The following RTTN variants were observed in gnomAD, a reference collection of about 807,000 sequenced individuals.
The protein encoded by RTTN is rotatin.
In RTTN, 182 loss-of-function variants were observed where a neutral mutation model predicts 269.2. The observed-to-expected ratio is 0.68, with a 90% CI of 0.60 to 0.76. The LOEUF is 0.76. Among genes scored for constraint, RTTN ranks in the 30% least tolerant of loss-of-function variants. The pLI is 0.00. For missense variants in RTTN, 2,545 were observed against 2,608.6 expected, an observed-to-expected ratio of 0.98 and a Z score of 0.53; for synonymous variants, 1,006 against 963.5, an observed-to-expected ratio of 1.04 and a Z score of -0.82.
At chr18:70,092,335 G>A in intron 29 of RTTN, 115 bp from the exon 30 acceptor site, 11 of 721,174 alleles carry the variant, frequency 1.5e-5, no homozygotes, top group South Asian at 6.1e-5. Flanking sequence ...TTTTAGACTT[G>A]GTTTTAATCC....
rs368708109 is a variant in RTTN, at chr18:70,127,636, T to C, written c.3249A>G (p.Ala1083=). The part of the protein sequence containing the change: ...QDCLHSIVQA[A]THREVRAAVT... ...CAGCAGCCCTAACTTCCCTGTGGGT[T>C]GCAGCCTGAACAATGGAATGGAGGC... is the stretch of plus-strand genomic sequence containing the variant. The change falls in exon 25 of 49, where the codon GCA becomes GCG. Residue 1083 remains alanine (A), a synonymous_variant. Transcript: ENST00000640769. The C allele has an allele frequency of 4.8e-5, 78 of 1,613,446 alleles. No homozygotes were observed. Among genetic ancestry groups the C allele is most frequent in the Non-Finnish European group, 6.5e-5 (77 of 1,179,756 alleles).
At chr18:70,099,220 A>C (rs1161068614) in intron 28 of RTTN, among the ~76,000 whole-genome samples, 2 of 152,152 alleles carry the variant, frequency 1.3e-5, no homozygotes, top group African/African-American at 4.8e-5. Flanking sequence ...ACAGTGTAAA[A>C]ATGTTCCTAT....
At chr18:70,109,793 A>C in intron 27 of RTTN, 76 bp from the exon 28 acceptor site, 1 of 1,157,720 alleles carries the variant, frequency 8.6e-7, no homozygotes, top group South Asian at 1.3e-5. Flanking sequence ...CTGGCTATAA[A>C]AGGTTACTTA....
At chr18:70,102,387 T>C (rs2059193029) in intron 28 of RTTN, among the ~76,000 whole-genome samples, 1 of 152,120 alleles carries the variant, frequency 6.6e-6, no homozygotes, top group African/African-American at 2.4e-5. Context: ...GGAGAGAGGA[T>C]TGCAACCCCT....
At chr18:70,043,046 G>A (rs1289991904) in intron 40 of RTTN, among the ~76,000 whole-genome samples, 3 of 152,128 alleles carry the variant, frequency 2.0e-5, no homozygotes, top group Non-Finnish European at 2.9e-5. Flanking sequence ...AGAGGTAAAG[G>A]AATTCCCAGA....
chr18:70,150,211 G>T, intron 15 of RTTN, 124 bp from the exon 16 acceptor site: 3 of 661,912 alleles, frequency 4.5e-6, no homozygotes, highest in East Asian at 5.3e-5. Context: ...TCTTTCAAAT[G>T]TTCGTACTTC....
chr18:70,096,094 T>C (rs1050407808), intron 28 of RTTN, among the ~76,000 whole-genome samples: 15 of 152,120 alleles, frequency 9.9e-5, no homozygotes, highest in African/African-American at 1.7e-4. Flanking sequence ...GATTCGGCTA[T>C]TGATACTCAT....
At chr18:70,110,236 T>C (rs1393226958) in intron 27 of RTTN, among the ~76,000 whole-genome samples, 1 of 128,794 alleles carries the variant, frequency 7.8e-6, no homozygotes. Context: ...CATCCCTTTT[T>C]AAAAAAAAAA....
rs1599267693 is a variant in RTTN, at chr18:70,048,284, C to T, written c.5324-96G>A. On this transcript the variant is annotated intron_variant, in intron 39 of 48. Transcript: ENST00000640769. ...ATTTTAAAGTAACTATACTCTGGAT[C>T]ATCTAGATTACCAACTTGTGTGATT... 3 of 1,128,746 alleles carry T rather than the reference C, an allele frequency of 2.7e-6. No individual in the cohort carries two copies. The East Asian group carries it at 7.7e-5, about 29-fold the overall frequency. 69.9% of individuals were successfully genotyped at this position (1,128,746 alleles called of 1,614,324 possible). A position where few individuals can be genotyped will look rare whatever the true frequency, so the allele number is the denominator to read the frequency against.
chr18:70,016,622 T>C (rs1319160059), intron 46 of RTTN, among the ~76,000 whole-genome samples: 1 of 152,182 alleles, frequency 6.6e-6, no homozygotes, highest in Non-Finnish European at 1.5e-5. Context: ...GAAAAAGATC[T>C]TTCCGATTCT....
intron 46 of RTTN, among the ~76,000 whole-genome samples, chr18:70,014,736 CATCT>C (rs1363064722): frequency 1.3e-5 from 2 of 152,014 alleles, no homozygotes; most frequent in Non-Finnish European, 2.9e-5. Context: ...TTGACCCATC[CATCT>C]ATTAAGAGAA....
intron 23 of RTTN, chr18:70,129,169 G>A (rs190441539): frequency 5.9e-5 from 9 of 152,028 alleles, no homozygotes; most frequent in Non-Finnish European, 1.3e-4. Context: ...TTGTTCTACC[G>A]TAAAGACACA....
intron 33 of RTTN, chr18:70,074,870 ATAAC>A (rs1283887153): frequency 6.6e-6 from 1 of 151,946 alleles, no homozygotes; most frequent in Non-Finnish European, 1.5e-5. Flanking sequence ...ACTAAAATAA[ATAAC>A]TTTTTGATAC....
At chr18:70,166,001 A>G in intron 14 of RTTN, 61 bp downstream of exon 14, 1 of 1,546,902 alleles carries the variant, frequency 6.5e-7, no homozygotes, top group South Asian at 1.2e-5. Flanking sequence ...GTTTGAAGGT[A>G]TAACAAGAGA....
chr18:70,039,961 A>G (rs1468452496), intron 40 of RTTN, among the ~76,000 whole-genome samples: 1 of 152,242 alleles, frequency 6.6e-6, no homozygotes, highest in Non-Finnish European at 1.5e-5. Context: ...ACCTTTTACC[A>G]AAAAGGATAC....
At chr18:70,049,010 T>C (rs2144785775) in intron 39 of RTTN, among the ~76,000 whole-genome samples, 1 of 152,312 alleles carries the variant, frequency 6.6e-6, no homozygotes, top group East Asian at 1.9e-4. Context: ...TACACATATT[T>C]TGAAGGAAGG....
chr18:70,196,677 C>T (rs2061817153), intron 6 of RTTN, 29 bp from the exon 7 acceptor site: 1 of 1,603,396 alleles, frequency 6.2e-7, no homozygotes, highest in Non-Finnish European at 8.5e-7. Flanking sequence ...GTGAAAATTA[C>T]TAAGGGAACA....
At chr18:70,116,659 T>G (rs143333534) in intron 26 of RTTN, among the ~76,000 whole-genome samples, 1 of 152,128 alleles carries the variant, frequency 6.6e-6, no homozygotes, top group Non-Finnish European at 1.5e-5. Context: ...ATTTTGTCAC[T>G]GTTGACCTCT....
intron 46 of RTTN, among the ~76,000 whole-genome samples, chr18:70,012,491 T>G (rs7237148): frequency 7.0e-6 from 1 of 142,418 alleles, no homozygotes; most frequent in South Asian, 2.3e-4. Context: ...TACAGGGCAG[T>G]GTCTGCTCAC....
Sources: gnomAD v4.1 joint callset for allele counts (sites outside exome capture counted in the v4.1 genomes callset) on GRCh38, gnomAD v4.1.1 for gene constraint, MANE v1.5 for transcripts, NCBI Gene and HGNC (gene_info 2026-07-23, HGNC 2026-07-21) for gene names.